Variants in EPB41L5 observed in about 807,000 individuals in gnomAD.
EPB41L5 encodes band 4.1-like protein 5.
In EPB41L5, 55 loss-of-function variants were observed where a neutral mutation model predicts 106.6. The observed-to-expected ratio is 0.52, with a 90% CI of 0.42 to 0.65. The LOEUF is 0.65. Among genes scored for constraint, EPB41L5 ranks in the 30% least tolerant of loss-of-function variants. The probability of loss-of-function intolerance (pLI) is 0.00; values close to 1 mark genes in which losing one functional copy is unlikely to be tolerated. For missense variants in EPB41L5, 871 were observed against 882.1 expected (o/e 0.99, Z 0.16); for synonymous variants, 297 against 306.7 (o/e 0.97, Z 0.33).
Position 120,014,708 on chromosome 2 carries a change from T to A in EPB41L5, c.-9+1498T>A, listed in dbSNP as rs1368519383. 2.6e-5 allele frequency among the ~76,000 whole-genome samples: 4 copies of A among 152,006 alleles called. No individual in the cohort carries two copies. In the South Asian group the frequency reaches 8.3e-4, roughly 32 times the overall value. ...GAGCAATCCAGAAAGGTGGAACAGC[T>A]AATGAAAAATGGTCCAGAATTAAAA... On this transcript the variant is annotated intron_variant, in intron 1 of 24. Transcript: ENST00000263713.
intron 10 of EPB41L5, among the ~76,000 whole-genome samples, chr2:120,079,163 A>G (rs1682459924): frequency 6.6e-6 from 1 of 152,214 alleles, no homozygotes; most frequent in Non-Finnish European, 1.5e-5. Flanking sequence ...TCAGAATAGT[A>G]CAGAGCCTAG....
At chr2:120,141,039 A>G (rs1686149959) in intron 18 of EPB41L5, among the ~76,000 whole-genome samples, 1 of 152,126 alleles carries the variant, frequency 6.6e-6, no homozygotes, top group South Asian at 2.1e-4. Flanking sequence ...TCAGACTAGC[A>G]CTACTGACAG....
chr2:120,077,078 T>C lies in EPB41L5; in HGVS notation c.613T>C (p.Trp205Arg). Residue 205 changes from tryptophan (W) to arginine (R), a missense_variant, in exon 8 of 25, where the codon TGG becomes CGG. Physicochemically the swap from Trp to Arg is moderately radical, Grantham distance 101. Coordinates refer to ENST00000263713, the MANE Select transcript of EPB41L5 (RefSeq NM_020909.4). ...GATGGAACTGGCTATTTTTGAGAAA[T>C]GGAAGGAATACAGGTATCTGGCGTT... ...EEMELAIFEK[W>R]KEYRGQTPAQ... 3.7e-6 allele frequency: 6 copies of C among 1,612,744 alleles called. No homozygotes were observed. Among genetic ancestry groups the C allele is most frequent in the Non-Finnish European group, 5.1e-6 (6 of 1,179,356 alleles).
intron 16 of EPB41L5, among the ~76,000 whole-genome samples, chr2:120,117,172 C>T (rs1363705403): frequency 6.6e-6 from 1 of 152,180 alleles, no homozygotes; most frequent in Non-Finnish European, 1.5e-5. Context: ...TTCATGCCAA[C>T]ACTCTAACTC....
intron 16 of EPB41L5, among the ~76,000 whole-genome samples, chr2:120,120,611 A>G (rs529953183): frequency 6.8e-4 from 104 of 152,158 alleles, no homozygotes; most frequent in African/African-American, 2.5e-3. Context: ...AAAACCTCTC[A>G]TTAATAAAAT....
At chr2:120,113,171 T>C (rs1024875025) in intron 16 of EPB41L5, among the ~76,000 whole-genome samples, 2 of 152,242 alleles carry the variant, frequency 1.3e-5, no homozygotes, top group African/African-American at 4.8e-5. Flanking sequence ...AGTGACACTG[T>C]TGAGTTTAAA....
intron 16 of EPB41L5, chr2:120,106,913 CCTA>C: frequency 1.0e-6 from 1 of 962,098 alleles, no homozygotes; most frequent in Non-Finnish European, 1.2e-6. Flanking sequence ...TTTTATTTGT[CCTA>C]CTATGTGTAT....
intron 11 of EPB41L5, among the ~76,000 whole-genome samples, chr2:120,087,577 G>T (rs1683141810): frequency 6.6e-6 from 1 of 152,128 alleles, no homozygotes; most frequent in Admixed American, 6.6e-5. Context: ...CACCTTCTGG[G>T]CTCAAGTGAT....
intron 3 of EPB41L5, among the ~76,000 whole-genome samples, chr2:120,058,348 G>A (rs1452045073): frequency 6.6e-6 from 1 of 151,972 alleles, no homozygotes; most frequent in Non-Finnish European, 1.5e-5. Flanking sequence ...ACCATGCCTG[G>A]CTAATTTAAA....
rs1684390980 is a variant in EPB41L5, at chr2:120,105,406, C to T, written c.1337+4592C>T. ...TATAAACAGCTTAACTCATTTAATG[C>T]ATCCTGCTCACATAGAGGTTGGTTT... is the stretch of plus-strand genomic sequence containing the variant. On this transcript the variant is annotated intron_variant, in intron 16 of 24. Coordinates refer to ENST00000263713, the MANE Select transcript of EPB41L5 (RefSeq NM_020909.4). 1.4e-5 allele frequency: 14 copies of T among 983,378 alleles called. No individual in the cohort carries two copies. In the South Asian group the frequency reaches 6.6e-4, roughly 46 times the overall value. The allele number at this position is 983,378 out of a possible 1,614,324, so 60.9% of individuals were successfully genotyped here. A position where few individuals can be genotyped will look rare whatever the true frequency, so the allele number is the denominator to read the frequency against.
intron 2 of EPB41L5, among the ~76,000 whole-genome samples, chr2:120,019,840 T>C (rs767670457): frequency 1.3e-4 from 20 of 152,210 alleles, no homozygotes; most frequent in Non-Finnish European, 2.8e-4. Context: ...TATTTTGCAT[T>C]GTAGGTTTTT....
chr2:120,098,611 A>G (rs1339896205), intron 14 of EPB41L5, among the ~76,000 whole-genome samples: 1 of 152,266 alleles, frequency 6.6e-6, no homozygotes, highest in African/African-American at 2.4e-5. Flanking sequence ...AGTCTCATGC[A>G]AATGAGCAAC....
chr2:120,068,529 G>A (rs888004315), intron 3 of EPB41L5, among the ~76,000 whole-genome samples: 4 of 152,162 alleles, frequency 2.6e-5, no homozygotes, highest in South Asian at 2.1e-4. Flanking sequence ...GGGGAGGGGC[G>A]TCCGCCGTTA....
chr2:120,112,893 A>T (rs1684784023), intron 16 of EPB41L5, among the ~76,000 whole-genome samples: 1 of 152,228 alleles, frequency 6.6e-6, no homozygotes, highest in Non-Finnish European at 1.5e-5. Context: ...GAAGGCACAG[A>T]ACAATGAGGC....
chr2:120,169,924 A>T (rs1687597240), intron 24 of EPB41L5, among the ~76,000 whole-genome samples: 1 of 152,204 alleles, frequency 6.6e-6, no homozygotes, highest in South Asian at 2.1e-4. Flanking sequence ...TGGTGAAGAT[A>T]TGGGGCAACT....
At chr2:120,115,694 C>G (rs1225804289) in intron 16 of EPB41L5, among the ~76,000 whole-genome samples, 1 of 151,932 alleles carries the variant, frequency 6.6e-6, no homozygotes, top group African/African-American at 2.4e-5. Flanking sequence ...CTGGCCCTCT[C>G]TATTTTAAAA....
chr2:120,082,798 A>G (rs1271943976), intron 10 of EPB41L5, among the ~76,000 whole-genome samples: 2 of 152,178 alleles, frequency 1.3e-5, no homozygotes, highest in Non-Finnish European at 2.9e-5. Context: ...TTATTGGTCT[A>G]TTCAGGGATT....
chr2:120,041,827 C>T (rs761861780), intron 2 of EPB41L5, among the ~76,000 whole-genome samples, 179 bp from the exon 3 acceptor site: 2 of 152,114 alleles, frequency 1.3e-5, no homozygotes, highest in Non-Finnish European at 2.9e-5. Context: ...TTGTTTTTGG[C>T]CTTAAGTGAT....
At position 120,060,833 on chromosome 2, in the gene EPB41L5, C is replaced by A. The variant is rs149830180; in HGVS notation, c.286-12345C>A. On this transcript the variant is annotated intron_variant, in intron 3 of 24. Transcript: ENST00000263713. Reference sequence around the variant, plus strand: ...GCATTGGCAGAAGTGTACACAGGACCGGGCCTCTTCTTACTATCATTCCAA... The same window carrying A: ...GCATTGGCAGAAGTGTACACAGGACAGGGCCTCTTCTTACTATCATTCCAA... Among the ~76,000 whole-genome samples, 207 of 151,962 alleles carry A rather than the reference C, an allele frequency of 1.4e-3. 1 individual carries two copies. Among genetic ancestry groups the A allele is most frequent in the African/African-American group, 4.7e-3 (193 of 41,468 alleles).
Sources: allele counts gnomAD v4.1 joint callset (sites outside exome capture counted in the v4.1 genomes callset), GRCh38; gene constraint gnomAD v4.1.1; transcripts MANE v1.5; gene names NCBI Gene and HGNC (gene_info 2026-07-23, HGNC 2026-07-21).